CHN1: variants seen among roughly 807,000 people sequenced by gnomAD.
CHN1 encodes chimerin 1, also known as N-chimaerin.
A neutral mutation model predicts 59.5 loss-of-function variants in CHN1; 37 were observed. That is an observed-to-expected ratio of 0.62 (90% CI 0.48 to 0.82). The LOEUF is 0.82. Among genes scored for constraint, CHN1 ranks in the 40% least tolerant of loss-of-function variants. The pLI is 0.00. For missense variants in CHN1, 469 were observed against 571.0 expected (o/e 0.82, Z 1.82); for synonymous variants, 206 against 200.4 (o/e 1.03, Z -0.24).
intron 1 of CHN1, among the ~76,000 whole-genome samples, chr2:174,975,413 A>T (rs1259865153): frequency 6.6e-6 from 1 of 152,086 alleles, no homozygotes; most frequent in Non-Finnish European, 1.5e-5. Flanking sequence ...TCCCTTCTCT[A>T]TATTATGCCC....
intron 6 of CHN1, among the ~76,000 whole-genome samples, chr2:174,848,404 A>G (rs1384365336): frequency 2.0e-5 from 3 of 149,376 alleles, no homozygotes; most frequent in Non-Finnish European, 3.0e-5. Flanking sequence ...CAATACCTAC[A>G]TTTTTTCACT....
At chr2:174,973,790 A>G (rs547231268) in intron 1 of CHN1, among the ~76,000 whole-genome samples, 2 of 152,328 alleles carry the variant, frequency 1.3e-5, no homozygotes, top group South Asian at 2.1e-4. Context: ...GGGCACGTCA[A>G]TTGGACAAAT....
intron 5 of CHN1, among the ~76,000 whole-genome samples, chr2:174,881,139 G>A (rs924175980): frequency 4.6e-5 from 7 of 151,354 alleles, no homozygotes; most frequent in African/African-American, 1.7e-4. Flanking sequence ...ATTCTGTAAA[G>A]TGATTCACAA....
Position 175,005,002 on chromosome 2 carries a change from G to C in CHN1, c.-90C>G. ...CATCAGCCCGCCGCACCCACACCTC[G>C]GAGAGAGTGGGGTGCCCGATGGGGC... is the stretch of plus-strand genomic sequence containing the variant. On this transcript the variant is annotated 5_prime_UTR_variant, in exon 1 of 13. Transcript: ENST00000409900. 6.7e-7 allele frequency: 1 copy of C among 1,496,794 alleles called. No individual in the cohort carries two copies. The highest frequency in any genetic ancestry group is 1.2e-5 in the South Asian group (1 of 80,836). The allele number at this position is 1,496,794 out of a possible 1,614,324, so 92.7% of individuals were successfully genotyped here.
chr2:174,824,574 A>C (rs1027800949), intron 7 of CHN1, 56 bp from the exon 8 acceptor site: 1 of 1,032,664 alleles, frequency 9.7e-7, no homozygotes. Context: ...GGATGAGAAG[A>C]CTGCTTCATA....
chr2:174,862,870 G>A (rs916669874), intron 6 of CHN1, among the ~76,000 whole-genome samples: 3 of 152,140 alleles, frequency 2.0e-5, no homozygotes, highest in Admixed American at 6.5e-5. Flanking sequence ...AGTAAGCTGA[G>A]CTAGCACTCT....
chr2:175,000,918 T>A (rs900743067), intron 1 of CHN1, among the ~76,000 whole-genome samples: 2 of 152,172 alleles, frequency 1.3e-5, no homozygotes, highest in Admixed American at 6.5e-5. Flanking sequence ...TTATTTTTAC[T>A]CTTTTAGAGA....
chr2:174,832,273 A>G (rs1574067291), intron 7 of CHN1, among the ~76,000 whole-genome samples: 1 of 152,160 alleles, frequency 6.6e-6, no homozygotes, highest in East Asian at 1.9e-4. Flanking sequence ...AAATTCTGGG[A>G]TTTAAAAAAT....
intron 11 of CHN1, among the ~76,000 whole-genome samples, chr2:174,803,243 A>G (rs775332961): frequency 1.3e-5 from 2 of 152,222 alleles, no homozygotes; most frequent in Non-Finnish European, 2.9e-5. Flanking sequence ...TTGGCGTGAG[A>G]TGAATGTAAA....
chr2:174,960,546 T>TAAA (rs1690363668), intron 1 of CHN1, among the ~76,000 whole-genome samples: 1 of 152,198 alleles, frequency 6.6e-6, no homozygotes, highest in South Asian at 2.1e-4. Context: ...ACACTGGAAA[T>TAAA]TAAAACACAG....
chr2:174,902,036 A>G (rs1473417416), intron 5 of CHN1, among the ~76,000 whole-genome samples: 2 of 152,194 alleles, frequency 1.3e-5, no homozygotes, highest in African/African-American at 4.8e-5. Flanking sequence ...ATAACTCGGG[A>G]AAATGCTAGA....
At chr2:174,918,760 C>A (rs1688920900) in intron 3 of CHN1, among the ~76,000 whole-genome samples, 195 bp from the exon 4 acceptor site, 1 of 152,138 alleles carries the variant, frequency 6.6e-6, no homozygotes. Context: ...AGACCTATTT[C>A]TTATTTATAA....
chr2:174,964,263 C>T (rs1690525330), intron 1 of CHN1, among the ~76,000 whole-genome samples: 1 of 152,264 alleles, frequency 6.6e-6, no homozygotes, highest in African/African-American at 2.4e-5. Flanking sequence ...ATAACAAACT[C>T]TTTCTGGAAG....
chr2:174,868,198 AAC>A (rs1183535171), intron 6 of CHN1, among the ~76,000 whole-genome samples: 2 of 152,208 alleles, frequency 1.3e-5, no homozygotes, highest in African/African-American at 4.8e-5. Context: ...GAAAGTTAAG[AAC>A]AGTTTTAGAT....
intron 6 of CHN1, among the ~76,000 whole-genome samples, chr2:174,867,274 G>A (rs2646162): frequency 0.049 from 7,372 of 151,800 alleles, 590 homozygotes; most frequent in African/African-American, 0.17. Context: ...TATTCGGGAG[G>A]CTTGAGGCAT....
At chr2:174,969,102 A>T (rs748855419) in intron 1 of CHN1, among the ~76,000 whole-genome samples, 1 of 152,224 alleles carries the variant, frequency 6.6e-6, no homozygotes, top group Non-Finnish European at 1.5e-5. Flanking sequence ...CCTGCATTCC[A>T]GCACAAATCT....
At chr2:174,880,776 G>A (rs1192714679) in intron 5 of CHN1, among the ~76,000 whole-genome samples, 2 of 152,118 alleles carry the variant, frequency 1.3e-5, no homozygotes, top group Non-Finnish European at 2.9e-5. Context: ...TGCCGGGTGC[G>A]GTGGCTCACG....
chr2:174,955,196 A>C (rs945272568), intron 1 of CHN1, among the ~76,000 whole-genome samples: 2,227 of 145,880 alleles, frequency 0.015, 54 homozygotes, highest in African/African-American at 0.052. Flanking sequence ...ATATATATAT[A>C]TATAATTGAT....
intron 6 of CHN1, among the ~76,000 whole-genome samples, chr2:174,858,770 G>A (rs1323699858): frequency 6.6e-6 from 1 of 151,924 alleles, no homozygotes; most frequent in Non-Finnish European, 1.5e-5. Context: ...TATACAGACT[G>A]TGTCCCATAT....
Sources: allele counts gnomAD v4.1 joint callset (sites outside exome capture counted in the v4.1 genomes callset), GRCh38; gene constraint gnomAD v4.1.1; transcripts MANE v1.5; gene names NCBI Gene and HGNC (gene_info 2026-07-23, HGNC 2026-07-21).